The following WDR5 variants were observed in gnomAD, a reference collection of about 807,000 sequenced individuals.
WDR5 encodes the protein WD repeat domain 5, also known as WD repeat-containing protein 5.
For missense variants in WDR5, 187 were observed against 416.9 expected (o/e 0.45, Z 4.80); for synonymous variants, 144 against 161.6 (o/e 0.89, Z 0.83).
intron 12 of WDR5, 104 bp downstream of exon 12, chr9:134,155,871 C>A: frequency 5.7e-6 from 6 of 1,055,818 alleles, no homozygotes; most frequent in Non-Finnish European, 8.5e-6. Flanking sequence ...TTTTCTGTGC[C>A]CACAAAATGA....
At chr9:134,155,666 T>C in intron 11 of WDR5, 27 bp from the exon 12 acceptor site, 2 of 1,610,782 alleles carry the variant, frequency 1.2e-6, no homozygotes, top group South Asian at 2.2e-5. Flanking sequence ...CATGACTCTG[T>C]GACCAGCCTG....
rs1010708440 is a variant in WDR5 at position 134,141,714 on chromosome 9, T to C, written c.264+131T>C. 1.6e-5 allele frequency: 17 copies of C among 1,031,880 alleles called. No homozygotes were observed. In the African/African-American group the frequency reaches 1.8e-4, roughly 11 times the overall value. 63.9% of individuals were successfully genotyped at this position (1,031,880 alleles called of 1,614,324 possible). The stretch of plus-strand genomic sequence containing the variant: ...CCCCGTTTTTTAATTTTTTTATAGT[T>C]ATTTGCATCTTGAACTTTTAACCCA... On this transcript the variant is annotated intron_variant, in intron 4 of 13. Transcript: ENST00000358625.
chr9:134,148,386 C>T (rs1160385712), intron 8 of WDR5, 43 bp downstream of exon 8: 3 of 1,554,802 alleles, frequency 1.9e-6, no homozygotes, highest in South Asian at 1.1e-5. Context: ...GAGTGCTTAA[C>T]TAAGGGCCAG....
intron 1 of WDR5, among the ~76,000 whole-genome samples, chr9:134,139,303 A>T (rs891677550): frequency 1.3e-5 from 2 of 152,190 alleles, no homozygotes; most frequent in African/African-American, 4.8e-5. Context: ...GAGCCCCCCC[A>T]TGAGGCGTAG....
At chr9:134,139,727 T>G in intron 1 of WDR5, 93 bp from the exon 2 acceptor site, 1 of 789,648 alleles carries the variant, frequency 1.3e-6, no homozygotes, top group East Asian at 2.7e-5. Context: ...AATATGGTAG[T>G]CAAATGTTTT....
At chr9:134,154,199 C>T (rs1335380183) in intron 9 of WDR5, among the ~76,000 whole-genome samples, 1 of 152,192 alleles carries the variant, frequency 6.6e-6, no homozygotes, top group Non-Finnish European at 1.5e-5. Flanking sequence ...GTGCCCATGG[C>T]CTGGTGCCCC....
intron 9 of WDR5, among the ~76,000 whole-genome samples, chr9:134,154,060 G>A (rs965380056): frequency 6.6e-6 from 1 of 152,166 alleles, no homozygotes; most frequent in African/African-American, 2.4e-5. Flanking sequence ...CCCTTGCGTC[G>A]ATAAATTCTT....
At chr9:134,156,430 A>C in intron 12 of WDR5, 76 bp from the exon 13 acceptor site, 2 of 1,443,412 alleles carry the variant, frequency 1.4e-6, no homozygotes, top group Non-Finnish European at 1.9e-6. Flanking sequence ...GCATAACTGG[A>C]GATTCTCTCC....
intron 7 of WDR5, among the ~76,000 whole-genome samples, chr9:134,143,204 C>G (rs1295266008): frequency 3.3e-5 from 5 of 152,196 alleles, no homozygotes; most frequent in Admixed American, 6.5e-5. Context: ...GGGCCTTGCA[C>G]AGGGACACGT....
At position 134,149,101 on chromosome 9, in the gene WDR5, G is replaced by A. The variant is rs112275252; in HGVS notation, c.584+758G>A. Among the ~76,000 whole-genome samples, 627 of 152,292 alleles carry A rather than the reference G, an allele frequency of 4.1e-3. 3 individuals carry two copies. Among genetic ancestry groups the A allele is most frequent in the Admixed American group, 8.0e-3 (123 of 15,294 alleles). On this transcript the variant is annotated intron_variant, in intron 8 of 13. Transcript: ENST00000358625. ...CTGCAGGGAACCCTCAGGTGGACAC[G>A]CACACTCGAAATCTGTTTCCCAGTC...
intron 12 of WDR5, 96 bp from the exon 13 acceptor site, chr9:134,156,410 G>T: frequency 1.6e-6 from 2 of 1,259,874 alleles, no homozygotes; most frequent in South Asian, 1.3e-5. Context: ...CAGGGTGGGC[G>T]TGGGGCAGGG....
intron 7 of WDR5, among the ~76,000 whole-genome samples, chr9:134,147,940 C>A (rs28756160): frequency 0.077 from 11,621 of 151,858 alleles, 915 homozygotes; most frequent in African/African-American, 0.2. Flanking sequence ...GGATCACTTG[C>A]GGTCAGGAGT....
At chr9:134,140,416 T>A (rs574117619) in intron 2 of WDR5, among the ~76,000 whole-genome samples, 91 of 150,216 alleles carry the variant, frequency 6.1e-4, no homozygotes, top group South Asian at 8.6e-4. Flanking sequence ...GGTGGGGGGA[T>A]GAGGTGGATT....
intron 2 of WDR5, 58 bp downstream of exon 2, chr9:134,140,016 C>T (rs148938148): frequency 0.012 from 18,984 of 1,585,300 alleles, 134 homozygotes; most frequent in Non-Finnish European, 0.015. Flanking sequence ...TAGAGAGTCT[C>T]GGAAACATCT....
At chr9:134,142,823 G>C in intron 7 of WDR5, 104 bp downstream of exon 7, 1 of 1,171,364 alleles carries the variant, frequency 8.5e-7, no homozygotes, top group Non-Finnish European at 1.3e-6. Flanking sequence ...GCCATGGCCT[G>C]TGCCTAGCTG....
At chr9:134,138,044 C>T (rs1397770303) in intron 1 of WDR5, among the ~76,000 whole-genome samples, 1 of 152,218 alleles carries the variant, frequency 6.6e-6, no homozygotes, top group Non-Finnish European at 1.5e-5. Flanking sequence ...GCCCAGCCAT[C>T]ATATTCTTAA....
chr9:134,153,449 G>T (rs557819238), intron 9 of WDR5, among the ~76,000 whole-genome samples: 1 of 152,248 alleles, frequency 6.6e-6, no homozygotes, highest in Non-Finnish European at 1.5e-5. Context: ...GTGAGGCTCT[G>T]CCCAGGCAGC....
intron 9 of WDR5, among the ~76,000 whole-genome samples, chr9:134,153,174 G>T (rs781677368): frequency 3.3e-5 from 5 of 152,144 alleles, no homozygotes; most frequent in Non-Finnish European, 7.3e-5. Context: ...AGTTGTGTGC[G>T]CCGCTGTTGT....
intron 1 of WDR5, among the ~76,000 whole-genome samples, chr9:134,137,345 T>C (rs35158191): frequency 0.02 from 3,007 of 152,198 alleles, 45 homozygotes; most frequent in Middle Eastern, 0.031. Context: ...CTTCCTGTTC[T>C]CTCAAAAGGA....
Sources: gnomAD v4.1 joint callset for allele counts (sites outside exome capture counted in the v4.1 genomes callset) on GRCh38, gnomAD v4.1.1 for gene constraint, MANE v1.5 for transcripts, NCBI Gene and HGNC (gene_info 2026-07-23, HGNC 2026-07-21) for gene names.